SCIN: variants seen among roughly 807,000 people sequenced by gnomAD.
SCIN encodes scinderin.
A neutral mutation model predicts 91.8 loss-of-function variants in SCIN; 91 were observed. That is an observed-to-expected ratio of 0.99 (90% CI 0.84 to 1.18). The LOEUF (loss-of-function observed/expected upper bound fraction) is 1.18. Ranked by LOEUF, SCIN falls within the 50% of genes most tolerant of loss-of-function variation. The probability of loss-of-function intolerance (pLI) is 0.00; values close to 1 mark genes in which losing one functional copy is unlikely to be tolerated. For synonymous variants in SCIN, 367 were observed against 312.6 expected (o/e 1.17, Z -1.84); for missense variants, 1,087 against 863.9 (o/e 1.26, Z -3.24).
chr7:12,628,311 T>G (rs1783572719), intron 8 of SCIN, among the ~76,000 whole-genome samples: 1 of 152,156 alleles, frequency 6.6e-6, no homozygotes, highest in Non-Finnish European at 1.5e-5. Context: ...CAGGCTACTA[T>G]AACAAAAGTA....
At position 12,570,978 on chromosome 7, in the gene SCIN, C is replaced by G. The variant is rs747886415; in HGVS notation, c.192C>G (p.Phe64Leu). 33 of 1,549,876 alleles carry G rather than the reference C, an allele frequency of 2.1e-5. No homozygotes were observed. Among genetic ancestry groups the G allele is most frequent in the Middle Eastern group, 3.4e-4 (2 of 5,930 alleles). ...TSRGFTYHLH[F>L]WLGKECSQDE... ...GAGGCTTCACCTACCACCTGCACTT[C>G]TGGCTCGGTAAGGGACGGCGGGCGG... Residue 64 changes from phenylalanine to leucine, a missense_variant, in exon 1 of 16, where the codon TTC becomes TTG. Transcript: ENST00000297029.
chr7:12,570,853 A>G lies in SCIN; in HGVS notation c.67A>G (p.Arg23Gly), dbSNP rs771040562. Reference sequence around the variant, plus strand: ...CAAGCAGGCGGGGCTGCAGGTCTGGAGGATTGAGAAGCTGGAGCTGGTGCC... The same window carrying G: ...CAAGCAGGCGGGGCTGCAGGTCTGGGGGATTGAGAAGCTGGAGCTGGTGCC... ...AGKQAGLQVWRIEKLELVPVP... is the reference protein window; with the variant it reads ...AGKQAGLQVWGIEKLELVPVP... Residue 23 changes from arginine to glycine, a missense_variant, in exon 1 of 16, where the codon AGG becomes GGG. By Grantham distance (125) the Arg-to-Gly change is moderately radical. Coordinates refer to ENST00000297029, the MANE Select transcript of SCIN (RefSeq NM_001112706.3). 3.2e-6 allele frequency: 5 copies of G among 1,551,518 alleles called. No homozygotes were observed. The South Asian group carries it at 4.8e-5, about 15-fold the overall frequency.
At position 12,657,570 on chromosome 7, in the gene SCIN, ATATTT is replaced by A. The variant is rs1472557528; in HGVS notation, c.*4857_*4861del. 24 of 20,790 alleles carry A rather than the reference ATATTT, an allele frequency of 1.2e-3. No homozygotes were observed. The highest frequency in any genetic ancestry group is 2.3e-3 in the East Asian group (1 of 442). 1.3% of individuals were successfully genotyped at this position (20,790 alleles called of 1,614,324 possible). On this transcript the variant is annotated 3_prime_UTR_variant, in exon 16 of 16. Coordinates refer to ENST00000297029, the MANE Select transcript of SCIN (RefSeq NM_001112706.3). The stretch of plus-strand genomic sequence containing the variant: ...TATATATATATATATATATATATAT[ATATTT>A]TTTTTTTTTTTTTTTTTTTTTTTGC...
rs1379016383 is a variant in SCIN, at chr7:12,625,016, G to C, written c.766G>C (p.Asp256His). The C allele has an allele frequency of 6.4e-7, 1 of 1,557,880 alleles. No individual in the cohort carries two copies. The highest frequency in any genetic ancestry group is 1.4e-5 in the African/African-American group (1 of 73,644). ...RKMAKLYMVS[D>H]ASGSMRVTVV... ...GTCATGGTTTTTATATTAGGTTTCAGATGCAAGTGGCTCCATGAGAGTGAC... is the reference window on the plus strand; with the variant it reads ...GTCATGGTTTTTATATTAGGTTTCACATGCAAGTGGCTCCATGAGAGTGAC... The change falls in exon 6 of 16, where the codon GAT becomes CAT. Residue 256 changes from aspartate (D) to histidine (H), a missense_variant. Transcript: ENST00000297029.
At chr7:12,623,487 G>C (rs1164850299) in intron 5 of SCIN, among the ~76,000 whole-genome samples, 2 of 152,146 alleles carry the variant, frequency 1.3e-5, no homozygotes, top group Non-Finnish European at 2.9e-5. Flanking sequence ...ACACAACAAA[G>C]AAAGTAGGTT....
In SCIN at chr7:12,628,032, CGTGTGTGTGTGTGT is replaced by C. The variant is rs59555647; in HGVS notation, c.1198-1048_1198-1035del. On this transcript the variant is annotated intron_variant, in intron 8 of 15. Transcript: ENST00000297029. ...CTGAGAACTTAGGCAAGTGTGCGCG[CGTGTGTGTGTGTGT>C]GTGTGTGTGTGTGTGTGTGTTTGCT... Among the ~76,000 whole-genome samples, 54 of 146,398 alleles carry C rather than the reference CGTGTGTGTGTGTGT, an allele frequency of 3.7e-4. 1 individual carries two copies. The highest frequency in any genetic ancestry group is 1.3e-3 in the African/African-American group (52 of 39,016).
At chr7:12,614,418 G>A (rs1783258805) in intron 4 of SCIN, among the ~76,000 whole-genome samples, 1 of 152,136 alleles carries the variant, frequency 6.6e-6, no homozygotes, top group South Asian at 2.1e-4. Flanking sequence ...AGCTTTACAG[G>A]ATTTAACTCT....
chr7:12,584,189 C>T (rs987792755), intron 3 of SCIN, among the ~76,000 whole-genome samples: 4 of 152,146 alleles, frequency 2.6e-5, no homozygotes, highest in African/African-American at 4.8e-5. Context: ...AAGAAATACA[C>T]GTAACTAAAC....
chr7:12,644,413 A>G (rs1461692986), intron 12 of SCIN, 98 bp downstream of exon 12: 4 of 1,448,334 alleles, frequency 2.8e-6, no homozygotes, highest in Middle Eastern at 1.8e-4. Flanking sequence ...AATGGCTTAT[A>G]AGGGTTAACA....
chr7:12,626,862 G>T, intron 8 of SCIN, 63 bp downstream of exon 8: 1 of 1,397,022 alleles, frequency 7.2e-7, no homozygotes, highest in Non-Finnish European at 9.9e-7. Context: ...GGGAGGGTGG[G>T]GGAGATCACT....
chr7:12,635,421 C>G (rs1783727822), intron 9 of SCIN, among the ~76,000 whole-genome samples: 1 of 150,706 alleles, frequency 6.6e-6, no homozygotes, highest in African/African-American at 2.4e-5. Flanking sequence ...ACCAGCCTGG[C>G]CAACATAGTG....
chr7:12,606,390 A>G (rs2115252386), intron 4 of SCIN, among the ~76,000 whole-genome samples: 1 of 152,342 alleles, frequency 6.6e-6, no homozygotes, highest in Middle Eastern at 3.4e-3. Flanking sequence ...TTTGACTTAC[A>G]GAAATTTAAT....
chr7:12,610,849 T>A (rs1162918223), intron 4 of SCIN, among the ~76,000 whole-genome samples: 2 of 152,168 alleles, frequency 1.3e-5, no homozygotes, highest in South Asian at 2.1e-4. Flanking sequence ...TCCCACATAT[T>A]AGGCAGATGG....
intron 1 of SCIN, chr7:12,577,586 C>T (rs1451551596): frequency 6.6e-6 from 3 of 456,302 alleles, no homozygotes; most frequent in African/African-American, 6.0e-5. Flanking sequence ...CATGGTGGCT[C>T]ATACCTGTAA....
At chr7:12,624,892 A>T in intron 5 of SCIN, 118 bp from the exon 6 acceptor site, 1 of 1,004,584 alleles carries the variant, frequency 1.0e-6, no homozygotes, top group Non-Finnish European at 1.4e-6. Flanking sequence ...AAAGTGTACA[A>T]TTCAATGCTT....
intron 4 of SCIN, among the ~76,000 whole-genome samples, chr7:12,616,664 C>A (rs909244904): frequency 6.6e-6 from 1 of 152,068 alleles, no homozygotes; most frequent in Non-Finnish European, 1.5e-5. Flanking sequence ...ATATTATAGA[C>A]ACGCAAGAAA....
At chr7:12,585,336 C>A (rs758270343) in intron 3 of SCIN, among the ~76,000 whole-genome samples, 1 of 152,288 alleles carries the variant, frequency 6.6e-6, no homozygotes, top group Non-Finnish European at 1.5e-5. Context: ...TTTTCTCCCT[C>A]TCAGGCCACT....
intron 4 of SCIN, 123 bp from the exon 5 acceptor site, chr7:12,622,678 T>A: frequency 2.9e-6 from 2 of 682,078 alleles, no homozygotes; most frequent in Non-Finnish European, 5.0e-6. Context: ...TGAGAAGTGT[T>A]TGAGCCTGGT....
chr7:12,659,192 G>C lies in SCIN; in HGVS notation c.*6477G>C, dbSNP rs1352791538. On this transcript the variant is annotated 3_prime_UTR_variant, in exon 16 of 16. Coordinates refer to ENST00000297029, the MANE Select transcript of SCIN (RefSeq NM_001112706.3). ...AGGCTGGTCTTGAACTCCTGAACTTGTGATCCACCCTCCTCTGCCTTCCAA... is the reference window on the plus strand; with the variant it reads ...AGGCTGGTCTTGAACTCCTGAACTTCTGATCCACCCTCCTCTGCCTTCCAA... The C allele has an allele frequency of 1.3e-5, 2 of 152,212 alleles. No homozygotes were observed. Among genetic ancestry groups the C allele is most frequent in the African/African-American group, 4.8e-5 (2 of 41,438 alleles). 9.4% of individuals were successfully genotyped at this position (152,212 alleles called of 1,614,324 possible).
Sources: gnomAD v4.1 joint callset for allele counts (sites outside exome capture counted in the v4.1 genomes callset) on GRCh38, gnomAD v4.1.1 for gene constraint, MANE v1.5 for transcripts, NCBI Gene and HGNC (gene_info 2026-07-23, HGNC 2026-07-21) for gene names.